Variants in AJAP1 observed in about 807,000 individuals in gnomAD.
The protein encoded by AJAP1 is adherens junction-associated protein 1.
In AJAP1, 5 loss-of-function variants were observed where a neutral mutation model predicts 35.0. The observed-to-expected ratio is 0.14, with a 90% confidence interval of 0.07 to 0.30. AJAP1 has a LOEUF of 0.30. Ranked by LOEUF, AJAP1 falls within the 10% of genes least tolerant of loss-of-function variation. AJAP1 has a pLI of 1.00. For synonymous variants in AJAP1, 284 were observed against 249.3 expected (o/e 1.14, Z -1.31); for missense variants, 586 against 571.0 (o/e 1.03, Z -0.27).
chr1:4,655,293 G>A lies in AJAP1; in HGVS notation c.-133G>A. 1 of 629,934 alleles carries A rather than the reference G, an allele frequency of 1.6e-6. No individual in the cohort carries two copies. 39.0% of individuals were successfully genotyped at this position (629,934 alleles called of 1,614,324 possible). ...CGCTCTGACTCGCTGTGCGCCCCGC[G>A]GCCGGCGGGCGGCGGGAGGCGGCGG... On this transcript the variant is annotated 5_prime_UTR_variant, in exon 1 of 6. Transcript: ENST00000378191. The surrounding 1 kb of genome is among the most constrained non-coding windows in gnomAD (Gnocchi z 6.9).
At chr1:4,760,629 G>C (rs2100346012) in intron 2 of AJAP1, among the ~76,000 whole-genome samples, 1 of 152,302 alleles carries the variant, frequency 6.6e-6, no homozygotes, top group Admixed American at 6.5e-5. Flanking sequence ...CCATCTGTTG[G>C]GCCGCATTCT....
In AJAP1 at chr1:4,787,545, C is replaced by T. The variant is rs528113524; in HGVS notation, c.*5060C>T. ...TGAAGATAAGACATCGCAGTTGTTA[C>T]GACGCCTGGTTCTCCACCAAATTCC... On this transcript the variant is annotated 3_prime_UTR_variant, in exon 6 of 6. Transcript: ENST00000378191. 5.9e-5 allele frequency: 23 copies of T among 390,314 alleles called. No individual in the cohort carries two copies. Among genetic ancestry groups the T allele is most frequent in the Non-Finnish European group, 8.2e-5 (16 of 195,008 alleles). The allele number at this position is 390,314 out of a possible 1,614,324, so 24.2% of individuals were successfully genotyped here.
intron 2 of AJAP1, among the ~76,000 whole-genome samples, chr1:4,735,336 G>T (rs1379677142): frequency 2.0e-5 from 3 of 152,228 alleles, no homozygotes; most frequent in Non-Finnish European, 4.4e-5. Context: ...CCTGGAGCGT[G>T]TGGGAGGGAG....
intron 2 of AJAP1, among the ~76,000 whole-genome samples, chr1:4,728,627 G>A (rs1570164273): frequency 6.6e-6 from 1 of 152,202 alleles, no homozygotes; most frequent in Non-Finnish European, 1.5e-5. Context: ...CCTGTGCTCC[G>A]TGGAAAGGCA....
At chr1:4,724,612 C>T (rs576655924) in intron 2 of AJAP1, among the ~76,000 whole-genome samples, 6 of 152,236 alleles carry the variant, frequency 3.9e-5, no homozygotes, top group South Asian at 2.1e-4. Context: ...TGCTTTCCAC[C>T]GGCCGTCACC....
intron 1 of AJAP1, among the ~76,000 whole-genome samples, chr1:4,663,708 C>G (rs1018828909): frequency 3.8e-5 from 1 of 26,606 alleles, no homozygotes; most frequent in African/African-American, 2.3e-4. Context: ...GCTGCCCAGA[C>G]CTAGGGGTGG....
intron 1 of AJAP1, among the ~76,000 whole-genome samples, chr1:4,706,464 C>T (rs1024770867): frequency 2.6e-5 from 4 of 152,190 alleles, no homozygotes; most frequent in Non-Finnish European, 4.4e-5. Context: ...CTCCTGGGCC[C>T]CAGAGCCAGT....
chr1:4,725,417 A>T (rs945026312), intron 2 of AJAP1, among the ~76,000 whole-genome samples: 1 of 152,096 alleles, frequency 6.6e-6, no homozygotes, highest in African/African-American at 2.4e-5. Flanking sequence ...GGCTGTCGTC[A>T]TGGTCCCCCT....
In AJAP1 at chr1:4,786,418, A is replaced by G. The variant is rs996238311; in HGVS notation, c.*3933A>G. On this transcript the variant is annotated 3_prime_UTR_variant, in exon 6 of 6. Coordinates refer to ENST00000378191, the MANE Select transcript of AJAP1 (RefSeq NM_018836.4). ...AACCCCACCCACTCTTTGAATCGGGACACCAGGAAACCCGTTACTACTAAT... is the reference window on the plus strand; with the variant it reads ...AACCCCACCCACTCTTTGAATCGGGGCACCAGGAAACCCGTTACTACTAAT... 6.6e-6 allele frequency: 1 copy of G among 152,224 alleles called. No individual in the cohort carries two copies. Among genetic ancestry groups the G allele is most frequent in the African/African-American group, 2.4e-5 (1 of 41,454 alleles). 9.4% of individuals were successfully genotyped at this position (152,224 alleles called of 1,614,324 possible). A position where few individuals can be genotyped will look rare whatever the true frequency, so the allele number is the denominator to read the frequency against.
intron 1 of AJAP1, among the ~76,000 whole-genome samples, chr1:4,683,099 TG>T (rs1296202658): frequency 1.3e-5 from 2 of 152,156 alleles, no homozygotes; most frequent in South Asian, 4.1e-4. Context: ...AGTCAGATGG[TG>T]GGGGTTCAAA....
chr1:4,687,858 G>T (rs1349472025), intron 1 of AJAP1, among the ~76,000 whole-genome samples: 1 of 152,216 alleles, frequency 6.6e-6, no homozygotes, highest in Admixed American at 6.5e-5. Flanking sequence ...CCAGGCCTCT[G>T]TGTGGGAGGT....
chr1:4,776,841 C>T (rs1015931299), intron 5 of AJAP1, among the ~76,000 whole-genome samples: 1 of 152,188 alleles, frequency 6.6e-6, no homozygotes, highest in Non-Finnish European at 1.5e-5. Flanking sequence ...AAAGAGCTGA[C>T]CCCCTCCCTG....
At chr1:4,673,746 G>A (rs565740774) in intron 1 of AJAP1, among the ~76,000 whole-genome samples, 1 of 152,242 alleles carries the variant, frequency 6.6e-6, no homozygotes, top group Non-Finnish European at 1.5e-5. Flanking sequence ...TCCTGGCTCT[G>A]GCTCTGGCTT....
At position 4,772,379 on chromosome 1, in the gene AJAP1, G is replaced by A; in HGVS notation, c.1017G>A (p.Arg339=). The A allele has an allele frequency of 6.2e-7, 1 of 1,614,254 alleles. No homozygotes were observed. Among genetic ancestry groups the A allele is most frequent in the Non-Finnish European group, 8.5e-7 (1 of 1,180,058 alleles). ...ACCTCACGGACTTCCCCTCGGCCCGGGTGCCCAGCAGCCTGGACATATTCA... is the reference window on the plus strand; with the variant it reads ...ACCTCACGGACTTCCCCTCGGCCCGAGTGCCCAGCAGCCTGGACATATTCA... ...CQNLTDFPSA[R]VPSSLDIFTA... is the part of the protein sequence containing the mutation. Residue 339 remains arginine (R), a synonymous_variant, in exon 4 of 6, where the codon CGG becomes CGA. Transcript: ENST00000378191.
At chr1:4,662,833 G>A (rs1469381520) in intron 1 of AJAP1, among the ~76,000 whole-genome samples, 1 of 152,252 alleles carries the variant, frequency 6.6e-6, no homozygotes, top group Admixed American at 6.5e-5. Flanking sequence ...ATGTGTTTTG[G>A]TTCGATGGAG....
At chr1:4,711,563 T>A (rs1557620348) in intron 1 of AJAP1, among the ~76,000 whole-genome samples, 1 of 152,192 alleles carries the variant, frequency 6.6e-6, no homozygotes, top group Non-Finnish European at 1.5e-5. Context: ...TTGTCGAGGC[T>A]GCCCTGAAAG....
chr1:4,658,975 T>C (rs1638942804), intron 1 of AJAP1, among the ~76,000 whole-genome samples: 1 of 152,166 alleles, frequency 6.6e-6, no homozygotes, highest in Non-Finnish European at 1.5e-5. Flanking sequence ...ACAGCGCCAG[T>C]CCCTCTGACC....
intron 2 of AJAP1, among the ~76,000 whole-genome samples, chr1:4,748,145 C>T (rs564467882): frequency 1.3e-5 from 2 of 152,288 alleles, no homozygotes; most frequent in East Asian, 1.9e-4. Context: ...GAGCCACTGC[C>T]TCTGGCCTCA....
At chr1:4,767,913 C>T (rs1340997447) in intron 2 of AJAP1, among the ~76,000 whole-genome samples, 2 of 152,204 alleles carry the variant, frequency 1.3e-5, no homozygotes, top group African/African-American at 2.4e-5. Flanking sequence ...CTTTTCAATC[C>T]TTCCTCTGCA....
Sources: gnomAD v4.1 joint callset for allele counts (sites outside exome capture counted in the v4.1 genomes callset) on GRCh38, gnomAD v4.1.1 for gene constraint, Gnocchi (gnomAD v3.1) non-coding constraint, MANE v1.5 for transcripts, NCBI Gene and HGNC (gene_info 2026-07-23, HGNC 2026-07-21) for gene names.